Variants in MAN2B1 observed in about 807,000 individuals in gnomAD.
MAN2B1 encodes mannosidase alpha class 2B member 1.
MAN2B1 carries 99 observed loss-of-function variants against 127.5 expected under a neutral mutation model. The ratio of observed to expected loss-of-function variants is 0.78; its 90% CI spans 0.66 to 0.92. MAN2B1 has a LOEUF of 0.92. MAN2B1 is among the 40% of genes least tolerant of loss of function. The probability of loss-of-function intolerance (pLI) is 0.00; values close to 1 mark genes in which losing one functional copy is unlikely to be tolerated. For synonymous variants in MAN2B1, 573 were observed against 568.8 expected (o/e 1.01, Z -0.11); for missense variants, 1,304 against 1,384.8 (o/e 0.94, Z 0.93).
chr19:12,663,003 T>C (rs1216594111), intron 6 of MAN2B1, among the ~76,000 whole-genome samples: 1 of 149,994 alleles, frequency 6.7e-6, no homozygotes, highest in Non-Finnish European at 1.5e-5. Context: ...CGGTGGCTCA[T>C]GCCTGTAATC....
At chr19:12,649,852 A>ACCCCC in intron 18 of MAN2B1, 61 bp downstream of exon 18, 8 of 1,120,096 alleles carry the variant, frequency 7.1e-6, no homozygotes, top group East Asian at 2.3e-5. Flanking sequence ...AATTTCCCTC[A>ACCCCC]CCACCCCTGG....
intron 7 of MAN2B1, among the ~76,000 whole-genome samples, chr19:12,659,240 G>C (rs1421963380): frequency 6.6e-6 from 1 of 151,494 alleles, no homozygotes; most frequent in East Asian, 1.9e-4. Flanking sequence ...GTGAGGAAAA[G>C]GATGTTTGTT....
At chr19:12,646,772 G>T in intron 23 of MAN2B1, 40 bp from the exon 24 acceptor site, 1 of 1,327,314 alleles carries the variant, frequency 7.5e-7, no homozygotes, top group Non-Finnish European at 1.1e-6. Flanking sequence ...AGGAGGTGCA[G>T]ACTTCCTCTG....
chr19:12,650,248 G>T, intron 16 of MAN2B1, 26 bp from the exon 17 acceptor site: 1 of 1,475,258 alleles, frequency 6.8e-7, no homozygotes, highest in Non-Finnish European at 9.5e-7. Context: ...TGAGGTGGAT[G>T]TCAGTCTGTA....
Position 12,648,159 on chromosome 19 carries a change from C to T in MAN2B1, c.2664+16G>A, listed in dbSNP as rs1272824272. 6.5e-6 allele frequency: 10 copies of T among 1,532,734 alleles called. No homozygotes were observed. The highest frequency in any genetic ancestry group is 7.9e-6 in the Non-Finnish European group (9 of 1,144,818). The allele number at this position is 1,532,734 out of a possible 1,614,324, so 94.9% of individuals were successfully genotyped here. On this transcript the variant is annotated intron_variant, in intron 21 of 23. Transcript: ENST00000456935. ...ACTTCAATCCGGTCCTCTCTGCCTA[C>T]CCCGCTGCCCCTCACCTGCGTGCGC...
rs1040951843 is a variant in MAN2B1, at chr19:12,653,337, G to A, written c.1831-877C>T. On this transcript the variant is annotated intron_variant, in intron 14 of 23. Coordinates refer to ENST00000456935, the MANE Select transcript of MAN2B1 (RefSeq NM_000528.4). ...AATTTTTGTATTTTTATTAGAGACA[G>A]GGTTTCACAATATTGGCCATGCTGG... 2.6e-5 allele frequency among the ~76,000 whole-genome samples: 4 copies of A among 151,528 alleles called. 1 individual carries two copies. Among genetic ancestry groups the A allele is most frequent in the African/African-American group, 9.7e-5 (4 of 41,330 alleles).
At chr19:12,652,530 T>A in intron 14 of MAN2B1, 70 bp from the exon 15 acceptor site, 2 of 980,084 alleles carry the variant, frequency 2.0e-6, no homozygotes, top group Non-Finnish European at 1.5e-6. Context: ...TTAATTTTTC[T>A]TTTTTCTTTT....
At chr19:12,656,466 T>C in intron 13 of MAN2B1, 105 bp downstream of exon 13, 7 of 779,136 alleles carry the variant, frequency 9.0e-6, no homozygotes, top group South Asian at 8.7e-5. Context: ...GAGATATGCA[T>C]GAGTGGGAGG....
In MAN2B1 at chr19:12,652,473, G is replaced by A. The variant is rs1462380470; in HGVS notation, c.1831-13C>T. 1.3e-6 allele frequency: 2 copies of A among 1,595,792 alleles called. No individual in the cohort carries two copies. The highest frequency in any genetic ancestry group is 8.6e-7 in the Non-Finnish European group (1 of 1,163,440). On this transcript the variant is annotated splice_polypyrimidine_tract_variant and intron_variant, in intron 14 of 23. Coordinates refer to ENST00000456935, the MANE Select transcript of MAN2B1 (RefSeq NM_000528.4). ...TTGCCCGGATGTGCTGGGCAGAAAA[G>A]GGTCCACAGATGGGTTTGTGTGTGT...
chr19:12,654,293 C>G (rs895321202), intron 14 of MAN2B1, among the ~76,000 whole-genome samples: 1 of 152,078 alleles, frequency 6.6e-6, no homozygotes, highest in Non-Finnish European at 1.5e-5. Context: ...CTGCCTGCCT[C>G]GGCCTCCCAA....
At chr19:12,649,557 C>T in intron 18 of MAN2B1, 129 bp from the exon 19 acceptor site, 1 of 656,700 alleles carries the variant, frequency 1.5e-6, no homozygotes, top group Non-Finnish European at 2.6e-6. Flanking sequence ...TCTCGGCTCA[C>T]TGCAAGCTCC....
rs1376903863 is a variant in MAN2B1, at chr19:12,646,712, G to T, written c.2944C>A (p.Pro982Thr). 1.2e-6 allele frequency: 2 copies of T among 1,614,036 alleles called. No homozygotes were observed. The highest frequency in any genetic ancestry group is 2.7e-5 in the African/African-American group (2 of 75,026). ...TNTGPTPHQT[P>T]YQLDPANITL... ...ATGTTGGCCGGGTCCAGCTGGTACG[G>T]AGTTTGGTGGGGTGTGGGGCCTGGA... The change falls in exon 24 of 24, where the codon CCG becomes ACG. Residue 982 changes from proline to threonine, a missense_variant. Transcript: ENST00000456935.
At chr19:12,660,641 G>A (rs1299900944) in intron 7 of MAN2B1, among the ~76,000 whole-genome samples, 2 of 152,142 alleles carry the variant, frequency 1.3e-5, no homozygotes, top group African/African-American at 2.4e-5. Context: ...TTGAATGTGG[G>A]TAACTTCTAG....
rs1411985332 is a variant in MAN2B1 at position 12,657,034 on chromosome 19, G to A, written c.1442C>T (p.Ala481Val). ...PCEVLLSNAL[A>V]RLRGFKDHFT... ...GTGATCTTTGAAGCCTCTGAGCCGC[G>A]CCAGCGCGTTGCTCAGAAGAACCTG... The change falls in exon 12 of 24, where the codon GCG becomes GTG. Residue 481 changes from alanine to valine, a missense_variant. By Grantham distance (64) the Ala-to-Val change is moderately conservative. Transcript: ENST00000456935. 1 of 1,611,752 alleles carries A rather than the reference G, an allele frequency of 6.2e-7. No individual in the cohort carries two copies. The highest frequency in any genetic ancestry group is 8.5e-7 in the Non-Finnish European group (1 of 1,179,374).
intron 17 of MAN2B1, 35 bp from the exon 18 acceptor site, chr19:12,650,049 G>C (rs2023805244): frequency 1.9e-6 from 3 of 1,610,824 alleles, no homozygotes; most frequent in Non-Finnish European, 2.5e-6. Flanking sequence ...TGTGAGCCTT[G>C]GATAAACCCC....
intron 1 of MAN2B1, among the ~76,000 whole-genome samples, 198 bp downstream of exon 1, chr19:12,666,345 C>T (rs1490790269): frequency 1.3e-5 from 2 of 152,126 alleles, no homozygotes; most frequent in African/African-American, 4.8e-5. Context: ...GACACGGAGG[C>T]AGGTACAATC....
intron 14 of MAN2B1, among the ~76,000 whole-genome samples, chr19:12,653,388 A>C (rs529753589): frequency 3.0e-5 from 4 of 135,154 alleles, no homozygotes; most frequent in Non-Finnish European, 5.2e-5. Context: ...CTCATGATCC[A>C]CCCCCCCCTC....
At position 12,658,053 on chromosome 19, in the gene MAN2B1, C is replaced by T. The variant is rs1424931652; in HGVS notation, c.1309+10G>A. ...CGCAAACCTCTTCCCCTCTTGGGCC[C>T]GACACTTACTGAGGGGTGCACTGTC... On this transcript the variant is annotated intron_variant, in intron 10 of 23. Transcript: ENST00000456935. 1.7e-5 allele frequency: 28 copies of T among 1,612,730 alleles called. No homozygotes were observed. Among genetic ancestry groups the T allele is most frequent in the Non-Finnish European group, 2.4e-5 (28 of 1,179,710 alleles).
intron 7 of MAN2B1, chr19:12,658,912 A>G: frequency 3.1e-6 from 1 of 326,444 alleles, no homozygotes; most frequent in South Asian, 2.6e-5. Context: ...GCTGTAGTGC[A>G]GTGGCTCAAT....
Sources: allele counts gnomAD v4.1 joint callset (sites outside exome capture counted in the v4.1 genomes callset), GRCh38; gene constraint gnomAD v4.1.1; transcripts MANE v1.5; gene names NCBI Gene and HGNC (gene_info 2026-07-23, HGNC 2026-07-21).